Variants in PCNT observed in about 807,000 individuals in gnomAD.
The protein encoded by PCNT is kendrin.
A neutral mutation model predicts 380.4 loss-of-function variants in PCNT; 319 were observed. The ratio of observed to expected loss-of-function variants is 0.84; its 90% CI spans 0.77 to 0.92. The LOEUF (loss-of-function observed/expected upper bound fraction) is 0.92. PCNT is among the 40% of genes least tolerant of loss of function. The probability of loss-of-function intolerance (pLI) is 0.00; values close to 1 mark genes in which losing one functional copy is unlikely to be tolerated. For missense variants in PCNT, 4,400 were observed against 4,255.3 expected, an observed-to-expected ratio of 1.03 and a Z score of -0.95; for synonymous variants, 1,845 against 1,735.2, an observed-to-expected ratio of 1.06 and a Z score of -1.57.
Position 46,411,802 on chromosome 21 carries a change from T to G in PCNT, c.5729T>G (p.Leu1910Arg). The G allele has an allele frequency of 6.3e-7, 1 of 1,593,664 alleles. No homozygotes were observed. The highest frequency in any genetic ancestry group is 8.5e-7 in the Non-Finnish European group (1 of 1,173,654). The change falls in exon 28 of 47, where the codon CTG becomes CGG. Residue 1910 changes from leucine (L) to arginine (R), a missense_variant. Leu to Arg is a moderately radical substitution (Grantham distance 102). Transcript: ENST00000359568. ...CGCCGCGCCCTGGAGCAGCAGCCCC[T>G]GGCAGCCGGGGCGGCGCCTCCCGAG... The part of the protein sequence containing the change: ...RIRRALEQQP[L>R]AAGAAPPELQ...
At chr21:46,333,763 A>G (rs1157252029) in intron 2 of PCNT, among the ~76,000 whole-genome samples, 1 of 150,700 alleles carries the variant, frequency 6.6e-6, no homozygotes, top group Non-Finnish European at 1.5e-5. Flanking sequence ...ACTTGAACCC[A>G]GGAGGTGGAG....
chr21:46,433,566 A>T (rs796954427), intron 38 of PCNT, among the ~76,000 whole-genome samples: 12 of 152,312 alleles, frequency 7.9e-5, no homozygotes, highest in African/African-American at 2.6e-4. Context: ...GCAAGAGCTC[A>T]TCCTTTGATG....
intron 30 of PCNT, among the ~76,000 whole-genome samples, chr21:46,417,226 C>G (rs553798896): frequency 2.0e-4 from 25 of 125,800 alleles, no homozygotes; most frequent in African/African-American, 6.9e-4. Flanking sequence ...TGGAGTCTCG[C>G]TCTGTCACCC....
intron 44 of PCNT, 65 bp from the exon 45 acceptor site, chr21:46,443,745 G>C: frequency 6.8e-7 from 1 of 1,477,928 alleles, no homozygotes; most frequent in South Asian, 1.1e-5. Flanking sequence ...TTGATAGATG[G>C]GCCTTTACTA....
chr21:46,389,531 C>T lies in PCNT; in HGVS notation c.3840+100C>T, dbSNP rs571476464. 7.0e-5 allele frequency: 63 copies of T among 896,666 alleles called. No individual in the cohort carries two copies. The Admixed American group carries it at 1.0e-3, about 14-fold the overall frequency. The allele number at this position is 896,666 out of a possible 1,614,324, so 55.5% of individuals were successfully genotyped here. On this transcript the variant is annotated intron_variant, in intron 19 of 46. Coordinates refer to ENST00000359568, the MANE Select transcript of PCNT (RefSeq NM_006031.6). ...GATGCCGGTGCCAACGACGCTCGCA[C>T]GGGTTTCTCCCCAAGGAGGAGGCTT...
At chr21:46,392,147 A>G (rs959297639) in intron 21 of PCNT, among the ~76,000 whole-genome samples, 3 of 151,966 alleles carry the variant, frequency 2.0e-5, no homozygotes, top group African/African-American at 7.2e-5. Flanking sequence ...TTTTGTGGCC[A>G]TTCTCATTTG....
At chr21:46,415,365 A>ATTTTT (rs35983555) in intron 29 of PCNT, among the ~76,000 whole-genome samples, 4 of 65,280 alleles carry the variant, frequency 6.1e-5, no homozygotes, top group Non-Finnish European at 7.8e-5. Flanking sequence ...GTTTCTTTGA[A>ATTTTT]TTTTTTTTTT....
intron 3 of PCNT, among the ~76,000 whole-genome samples, chr21:46,344,675 T>C (rs559803231): frequency 6.6e-6 from 1 of 152,334 alleles, no homozygotes; most frequent in East Asian, 1.9e-4. Context: ...AGCCAGAGAA[T>C]GGTCGCTTCC....
At chr21:46,436,891 C>G in intron 39 of PCNT, 88 bp from the exon 40 acceptor site, 1 of 969,056 alleles carries the variant, frequency 1.0e-6, no homozygotes, top group Non-Finnish European at 1.7e-6. Flanking sequence ...CCTGTCTTGT[C>G]TCTCTTGAGC....
intron 1 of PCNT, among the ~76,000 whole-genome samples, chr21:46,325,489 C>T (rs1296622544): frequency 6.6e-6 from 1 of 151,984 alleles, no homozygotes; most frequent in East Asian, 1.9e-4. Flanking sequence ...TGGAGGAGGA[C>T]ATGAAAATAA....
chr21:46,373,749 T>TTTTTTTTG (rs374962143), intron 15 of PCNT, among the ~76,000 whole-genome samples: 1 of 81,194 alleles, frequency 1.2e-5, no homozygotes. Context: ...TTTTTTTTTT[T>TTTTTTTTG]GGGCGGAGTC....
At chr21:46,348,362 GT>G in intron 6 of PCNT, 1 of 169,150 alleles carries the variant, frequency 5.9e-6, no homozygotes, top group Non-Finnish European at 1.3e-5. Flanking sequence ...ATGCAGGTCT[GT>G]TTTGGGGTGG....
chr21:46,394,598 A>T (rs1270398844), intron 21 of PCNT: 1 of 840,022 alleles, frequency 1.2e-6, no homozygotes, highest in Non-Finnish European at 1.4e-6. Context: ...TGGATTTTGC[A>T]AATTATTTAC....
intron 32 of PCNT, among the ~76,000 whole-genome samples, chr21:46,423,741 A>G (rs1156575063): frequency 0.018 from 37 of 2,036 alleles, 1 homozygote; most frequent in East Asian, 0.031. Context: ...GGGGGAGGGG[A>G]AGAGGGGAGG....
intron 1 of PCNT, chr21:46,325,206 G>C: frequency 2.0e-6 from 2 of 985,344 alleles, no homozygotes; most frequent in Non-Finnish European, 2.4e-6. Context: ...GCCGGCCTCT[G>C]CGAGGTGCGC....
At chr21:46,324,813 G>A (rs2083312507) in intron 1 of PCNT, 2 of 910,396 alleles carry the variant, frequency 2.2e-6, no homozygotes, top group African/African-American at 1.8e-5. Flanking sequence ...GCGTGGCGCG[G>A]GTGGCCTGCA....
At chr21:46,400,512 C>CTTTTT (rs1215264897) in intron 25 of PCNT, among the ~76,000 whole-genome samples, 12 of 84,540 alleles carry the variant, frequency 1.4e-4, no homozygotes, top group East Asian at 3.7e-4. Context: ...GTGTCTGATT[C>CTTTTT]TTTTTTTTTT....
Position 46,367,288 on chromosome 21 carries a change from T to C in PCNT, c.3165+149T>C, listed in dbSNP as rs1391322545. ...CAGGCTGCCGAGATCAGTGGGGACTTCTGGTCTCTTTGTGAACTGGGCTTT... is the reference window on the plus strand; with the variant it reads ...CAGGCTGCCGAGATCAGTGGGGACTCCTGGTCTCTTTGTGAACTGGGCTTT... On this transcript the variant is annotated intron_variant, in intron 15 of 46. Coordinates refer to ENST00000359568, the MANE Select transcript of PCNT (RefSeq NM_006031.6). 3 of 651,206 alleles carry C rather than the reference T, an allele frequency of 4.6e-6. No individual in the cohort carries two copies. In the East Asian group the frequency reaches 8.3e-5, roughly 18 times the overall value. The allele number at this position is 651,206 out of a possible 1,614,324, so 40.3% of individuals were successfully genotyped here. A position where few individuals can be genotyped will look rare whatever the true frequency, so the allele number is the denominator to read the frequency against.
chr21:46,385,864 G>A lies in PCNT; in HGVS notation c.3345G>A (p.Glu1115=). ...ACCAGGTTTTATCCTTAAGTCACGA[G>A]ATAGAAGAGTGCCGCTCCGAGTTGG... ...LKDQVLSLSH[E]IEECRSELEV... The change falls in exon 17 of 47, where the codon GAG becomes GAA. Residue 1115 remains glutamate, a synonymous_variant. Coordinates refer to ENST00000359568, the MANE Select transcript of PCNT (RefSeq NM_006031.6). 1 of 1,614,222 alleles carries A rather than the reference G, an allele frequency of 6.2e-7. No homozygotes were observed. Among genetic ancestry groups the A allele is most frequent in the Non-Finnish European group, 8.5e-7 (1 of 1,179,996 alleles).
Sources: gnomAD v4.1 joint callset for allele counts (sites outside exome capture counted in the v4.1 genomes callset) on GRCh38, gnomAD v4.1.1 for gene constraint, MANE v1.5 for transcripts, NCBI Gene and HGNC (gene_info 2026-07-23, HGNC 2026-07-21) for gene names.